The following BFAR variants were observed in gnomAD, a reference collection of about 807,000 sequenced individuals.
The protein encoded by BFAR is bifunctional apoptosis regulator, also known as RING finger protein 47.
A neutral mutation model predicts 54.4 loss-of-function variants in BFAR; 52 were observed. The observed-to-expected ratio is 0.96, with a 90% CI of 0.77 to 1.21. BFAR has a LOEUF of 1.21. Ranked by LOEUF, BFAR falls within the 50% of genes most tolerant of loss-of-function variation. BFAR has a pLI of 0.00. For synonymous variants in BFAR, 215 were observed against 204.3 expected, an observed-to-expected ratio of 1.05 and a Z score of -0.45; for missense variants, 571 against 534.0, an observed-to-expected ratio of 1.07 and a Z score of -0.68.
intron 1 of BFAR, among the ~76,000 whole-genome samples, chr16:14,641,872 A>G (rs1959639128): frequency 6.6e-6 from 1 of 152,216 alleles, no homozygotes; most frequent in Admixed American, 6.5e-5. Context: ...CTAAAATAAA[A>G]TAAAAATCAA....
Position 14,669,168 on chromosome 16 carries a change from A to C in BFAR, c.*1341A>C. On this transcript the variant is annotated 3_prime_UTR_variant, in exon 8 of 8. Coordinates refer to ENST00000261658, the MANE Select transcript of BFAR (RefSeq NM_016561.3). The stretch of plus-strand genomic sequence containing the variant: ...ATCTTTGAGTGAAAATTTTACTCAA[A>C]AGTTGCATCTGGAAGTTCGAAGAAA... The C allele has an allele frequency of 2.8e-6, 1 of 353,632 alleles. No individual in the cohort carries two copies. The highest frequency in any genetic ancestry group is 7.9e-5 in the East Asian group (1 of 12,632). 21.9% of individuals were successfully genotyped at this position (353,632 alleles called of 1,614,324 possible).
chr16:14,637,416 G>A (rs1026104652), intron 1 of BFAR, among the ~76,000 whole-genome samples: 2 of 151,956 alleles, frequency 1.3e-5, no homozygotes, highest in Admixed American at 1.3e-4. Context: ...ACCAGACCAT[G>A]ATTTAAAACA....
intron 4 of BFAR, among the ~76,000 whole-genome samples, chr16:14,651,986 A>C (rs1959982773): frequency 6.8e-6 from 1 of 147,516 alleles, no homozygotes; most frequent in South Asian, 2.1e-4. Context: ...TCCTGGGTTC[A>C]AGCGATTCTC....
chr16:14,651,404 C>T (rs904124482), intron 4 of BFAR, among the ~76,000 whole-genome samples: 3 of 152,210 alleles, frequency 2.0e-5, no homozygotes, highest in Admixed American at 6.5e-5. Context: ...ATGCTCTCCA[C>T]GGGTGCACTC....
intron 2 of BFAR, among the ~76,000 whole-genome samples, chr16:14,645,846 C>A (rs1481691344): frequency 6.6e-6 from 1 of 152,044 alleles, no homozygotes; most frequent in African/African-American, 2.4e-5. Flanking sequence ...TATATACACA[C>A]ACATACACAC....
chr16:14,668,174 C>G lies in BFAR; in HGVS notation c.*347C>G. On this transcript the variant is annotated 3_prime_UTR_variant, in exon 8 of 8. Coordinates refer to ENST00000261658, the MANE Select transcript of BFAR (RefSeq NM_016561.3). Reference sequence around the variant, plus strand: ...GGGTGACATCAGAAGGGTGCCACATCAGTCCCCTCCCCAACCTCAGTGACT... The same window carrying G: ...GGGTGACATCAGAAGGGTGCCACATGAGTCCCCTCCCCAACCTCAGTGACT... 3.7e-6 allele frequency: 1 copy of G among 266,734 alleles called. No homozygotes were observed. The highest frequency in any genetic ancestry group is 1.1e-4 in the South Asian group (1 of 9,386). 16.5% of individuals were successfully genotyped at this position (266,734 alleles called of 1,614,324 possible).
chr16:14,662,658 T>C (rs184109826), intron 6 of BFAR, among the ~76,000 whole-genome samples: 16 of 152,232 alleles, frequency 1.1e-4, no homozygotes, highest in African/African-American at 3.9e-4. Flanking sequence ...TAGCTGGGAC[T>C]ACAGGCGAGC....
chr16:14,648,500 C>T lies in BFAR; in HGVS notation c.376C>T (p.Gln126Ter). The stretch of plus-strand genomic sequence containing the variant: ...AGCCTTTCAGAAATATGGGAATGAT[C>T]AGATTCCTTTAGCTCCTAACACAGG... ...LAAFQKYGNDQIPLAPNTGRA... is the reference protein window; with the variant it reads ...LAAFQKYGND The change falls in exon 3 of 8, where the codon CAG becomes TAG. Residue 126 changes from glutamine (Q) to a stop codon, truncating the protein, a stop_gained. Coordinates refer to ENST00000261658, the MANE Select transcript of BFAR (RefSeq NM_016561.3). LOFTEE classifies it high-confidence loss of function. 6.2e-7 allele frequency: 1 copy of T among 1,613,732 alleles called. No homozygotes were observed. The highest frequency in any genetic ancestry group is 8.5e-7 in the Non-Finnish European group (1 of 1,179,732).
chr16:14,666,989 T>G (rs1308012066), intron 7 of BFAR, among the ~76,000 whole-genome samples: 1 of 152,044 alleles, frequency 6.6e-6, no homozygotes, highest in Non-Finnish European at 1.5e-5. Flanking sequence ...GAGGATTGCT[T>G]GAGACCAGGA....
chr16:14,658,197 A>AT (rs2151842636), intron 5 of BFAR, among the ~76,000 whole-genome samples: 1 of 152,308 alleles, frequency 6.6e-6, no homozygotes, highest in South Asian at 2.1e-4. Context: ...GATGTGCTGG[A>AT]TTTTTTAGTC....
intron 4 of BFAR, among the ~76,000 whole-genome samples, chr16:14,651,632 A>G (rs1481062044): frequency 6.6e-6 from 1 of 152,084 alleles, no homozygotes; most frequent in African/African-American, 2.4e-5. Context: ...GGCACATGCC[A>G]TCAGGCCCAG....
intron 1 of BFAR, among the ~76,000 whole-genome samples, chr16:14,637,279 A>C (rs530102927): frequency 2.6e-4 from 40 of 152,296 alleles, no homozygotes; most frequent in Admixed American, 1.2e-3. Flanking sequence ...GGAGTAAATC[A>C]GTCCTTTGAA....
chr16:14,645,917 G>A (rs1472171486), intron 2 of BFAR, among the ~76,000 whole-genome samples: 1 of 152,116 alleles, frequency 6.6e-6, no homozygotes, highest in East Asian at 1.9e-4. Flanking sequence ...CGCTCAGGCT[G>A]GAGTGCAGTG....
intron 7 of BFAR, chr16:14,667,344 AAG>A: frequency 2.4e-6 from 1 of 408,648 alleles, no homozygotes; most frequent in South Asian, 6.6e-5. Flanking sequence ...CCTGTCTCAA[AAG>A]GAAAAAAAAA....
intron 1 of BFAR, among the ~76,000 whole-genome samples, chr16:14,642,265 T>G (rs1959652776): frequency 6.6e-6 from 1 of 152,212 alleles, no homozygotes; most frequent in African/African-American, 2.4e-5. Flanking sequence ...ATACAAATTT[T>G]GAGCCACTTT....
chr16:14,667,986 A>T lies in BFAR; in HGVS notation c.*159A>T. 2.7e-6 allele frequency: 2 copies of T among 741,100 alleles called. No individual in the cohort carries two copies. The highest frequency in any genetic ancestry group is 5.8e-5 in the Admixed American group (2 of 34,716). The allele number at this position is 741,100 out of a possible 1,614,324, so 45.9% of individuals were successfully genotyped here. A position where few individuals can be genotyped will look rare whatever the true frequency, so the allele number is the denominator to read the frequency against. On this transcript the variant is annotated 3_prime_UTR_variant, in exon 8 of 8. Transcript: ENST00000261658. ...GCTCCAACCATGTCCTCTCCCCCTC[A>T]GCCTGTGGGTGGCACGAGCAAGGAC...
At chr16:14,658,922 T>TC (rs1960204074) in intron 5 of BFAR, among the ~76,000 whole-genome samples, 1 of 151,512 alleles carries the variant, frequency 6.6e-6, no homozygotes, top group Non-Finnish European at 1.5e-5. Context: ...TTTTTTTTTT[T>TC]CTGAGATGGA....
intron 2 of BFAR, among the ~76,000 whole-genome samples, chr16:14,647,670 C>G (rs545780151): frequency 2.1e-5 from 3 of 146,298 alleles, no homozygotes; most frequent in African/African-American, 7.6e-5. Flanking sequence ...GAGCAAGACT[C>G]TTGTCTCAAA....
chr16:14,654,376 A>G (rs1361567448), intron 4 of BFAR, among the ~76,000 whole-genome samples: 3 of 152,072 alleles, frequency 2.0e-5, no homozygotes, highest in Non-Finnish European at 4.4e-5. Flanking sequence ...AAAAATAAAT[A>G]AAAATAGAGT....
Sources: allele counts gnomAD v4.1 joint callset (sites outside exome capture counted in the v4.1 genomes callset), GRCh38; gene constraint gnomAD v4.1.1; transcripts MANE v1.5; gene names NCBI Gene and HGNC (gene_info 2026-07-23, HGNC 2026-07-21).